Variants in SMOC1 observed in about 807,000 individuals in gnomAD.
The protein encoded by SMOC1 is SPARC related modular calcium binding 1, also known as SPARC-related modular calcium-binding protein 1.
In SMOC1, 22 loss-of-function variants were observed where a neutral mutation model predicts 56.3. The observed-to-expected ratio is 0.39, with a 90% CI of 0.28 to 0.56. The LOEUF is 0.56. Among genes scored for constraint, SMOC1 ranks in the 20% least tolerant of loss-of-function variants. The probability of loss-of-function intolerance (pLI) is 0.61; values close to 1 mark genes in which losing one functional copy is unlikely to be tolerated. For missense variants in SMOC1, 509 were observed against 565.4 expected (o/e 0.90, Z 1.01); for synonymous variants, 193 against 215.0 (o/e 0.90, Z 0.89).
chr14:69,994,427 A>G lies in SMOC1; in HGVS notation c.611A>G (p.Lys204Arg), dbSNP rs1566703259. 1 of 1,614,040 alleles carries G rather than the reference A, an allele frequency of 6.2e-7. No individual in the cohort carries two copies. Among genetic ancestry groups the G allele is most frequent in the Non-Finnish European group, 8.5e-7 (1 of 1,179,938 alleles). ...DEITAPTLWIKHLVIKDSKLN... is the reference protein window; with the variant it reads ...DEITAPTLWIRHLVIKDSKLN... Reference sequence around the variant, plus strand: ...ATCACAGCCCCAACTCTATGGATTAAACACTTGGTGATCAAGGACTCCAAA... The same window carrying G: ...ATCACAGCCCCAACTCTATGGATTAGACACTTGGTGATCAAGGACTCCAAA... Residue 204 changes from lysine to arginine, a missense_variant, in exon 7 of 12, where the codon AAA (lysine) becomes AGA (arginine). Around this residue, in one of 3 missense-constraint regions of SMOC1, gnomAD observed 315 missense variants for 333.1 expected, o/e 0.95. Transcript: ENST00000361956.
At chr14:70,005,688 C>A (rs1885127082) in intron 7 of SMOC1, among the ~76,000 whole-genome samples, 1 of 152,194 alleles carries the variant, frequency 6.6e-6, no homozygotes, top group African/African-American at 2.4e-5. Context: ...GAAACTTTAA[C>A]CACTCATTGC....
At chr14:69,960,867 G>T (rs1883345401) in intron 3 of SMOC1, among the ~76,000 whole-genome samples, 1 of 152,130 alleles carries the variant, frequency 6.6e-6, no homozygotes, top group African/African-American at 2.4e-5. Flanking sequence ...CTGTGGACCG[G>T]CCACCTGTTT....
chr14:69,923,477 A>T (rs540302482), intron 1 of SMOC1, among the ~76,000 whole-genome samples: 2 of 152,076 alleles, frequency 1.3e-5, no homozygotes, highest in South Asian at 4.2e-4. Context: ...CGTTCCCTTT[A>T]TCTCACTGGA....
At position 70,030,362 on chromosome 14, in the gene SMOC1, C is replaced by A; in HGVS notation, c.*104C>A. 1.4e-6 allele frequency: 2 copies of A among 1,428,672 alleles called. No homozygotes were observed. The highest frequency in any genetic ancestry group is 1.9e-6 in the Non-Finnish European group (2 of 1,031,898). 88.5% of individuals were successfully genotyped at this position (1,428,672 alleles called of 1,614,324 possible). A position where few individuals can be genotyped will look rare whatever the true frequency, so the allele number is the denominator to read the frequency against. On this transcript the variant is annotated 3_prime_UTR_variant, in exon 12 of 12. Coordinates refer to ENST00000361956, the MANE Select transcript of SMOC1 (RefSeq NM_001034852.3). ...CATGGCCCTGCCACATCCCGTGTAA[C>A]ATAAGTGGTGCCCACCATGTTTGCA...
intron 3 of SMOC1, among the ~76,000 whole-genome samples, chr14:69,969,639 G>A (rs914049033): frequency 1.3e-5 from 2 of 152,186 alleles, no homozygotes; most frequent in African/African-American, 4.8e-5. Context: ...TTCAACATGA[G>A]ATTTGGATGG....
In SMOC1 at chr14:69,919,747, C is replaced by A. The variant is rs1884782643; in HGVS notation, c.100-32391C>A. Among the ~76,000 whole-genome samples the A allele has an allele frequency of 1.3e-5, 2 of 152,166 alleles. 1 individual carries two copies. The highest frequency in any genetic ancestry group is 4.1e-4 in the South Asian group (2 of 4,826). On this transcript the variant is annotated intron_variant, in intron 1 of 11. Transcript: ENST00000361956. ...AATCCTGCCTCATTCACTCTCCTGG[C>A]TGTGATGAAATCAGTGGAAACCTTC...
At chr14:69,988,289 C>CTTTT (rs11367943) in intron 5 of SMOC1, among the ~76,000 whole-genome samples, 473 of 146,512 alleles carry the variant, frequency 3.2e-3, no homozygotes, top group Non-Finnish European at 4.4e-3. Flanking sequence ...TTTGAATTGG[C>CTTTT]TTTTTTTTTT....
intron 3 of SMOC1, among the ~76,000 whole-genome samples, chr14:69,966,689 A>G (rs1019116191): frequency 7.2e-5 from 11 of 152,202 alleles, no homozygotes; most frequent in Non-Finnish European, 1.5e-5. Context: ...CTCACAATGA[A>G]AAAATCCATA....
At chr14:69,880,480 C>A (rs1011649046) in intron 1 of SMOC1, among the ~76,000 whole-genome samples, 2 of 152,064 alleles carry the variant, frequency 1.3e-5, no homozygotes, top group African/African-American at 2.4e-5. Context: ...ATGAAACCTG[C>A]CAATTCTGTG....
chr14:69,951,997 C>T (rs768210757), intron 1 of SMOC1, 141 bp from the exon 2 acceptor site: 18 of 910,304 alleles, frequency 2.0e-5, no homozygotes, highest in South Asian at 8.7e-5. Flanking sequence ...GTGGCTGCTC[C>T]GTTCCCTTCA....
chr14:69,952,379 G>C, intron 2 of SMOC1, 76 bp downstream of exon 2: 1 of 1,570,730 alleles, frequency 6.4e-7, no homozygotes, highest in Non-Finnish European at 8.7e-7. Flanking sequence ...ATTTGCAACA[G>C]GGAAGCTTGG....
At chr14:69,991,059 T>C (rs1884550871) in intron 5 of SMOC1, among the ~76,000 whole-genome samples, 1 of 152,196 alleles carries the variant, frequency 6.6e-6, no homozygotes, top group Non-Finnish European at 1.5e-5. Context: ...CCAAAGGTAC[T>C]GAGAGCTCCA....
intron 1 of SMOC1, among the ~76,000 whole-genome samples, chr14:69,937,862 T>G (rs1439279825): frequency 6.6e-6 from 1 of 152,124 alleles, no homozygotes; most frequent in South Asian, 2.1e-4. Context: ...ACAGTGGAAA[T>G]AGCAATGAAA....
At chr14:69,912,458 C>T (rs1884578362) in intron 1 of SMOC1, among the ~76,000 whole-genome samples, 1 of 152,146 alleles carries the variant, frequency 6.6e-6, no homozygotes, top group African/African-American at 2.4e-5. Flanking sequence ...TGCTGTGTTG[C>T]CTGAGCCGGT....
rs1884679042 is a variant in SMOC1, at chr14:69,994,178, G to T, written c.584-222G>T. 9 of 610,366 alleles carry T rather than the reference G, an allele frequency of 1.5e-5. No homozygotes were observed. In the South Asian group the frequency reaches 1.5e-4, roughly 10 times the overall value. The allele number at this position is 610,366 out of a possible 1,614,324, so 37.8% of individuals were successfully genotyped here. A position where few individuals can be genotyped will look rare whatever the true frequency, so the allele number is the denominator to read the frequency against. On this transcript the variant is annotated intron_variant, in intron 6 of 11. Transcript: ENST00000361956. ...AGTGCCTCTGCATTCTGACCACTCT[G>T]CTTCCCAGCACAGGATGCCCTGATC...
chr14:69,983,822 G>C (rs1884268119), intron 5 of SMOC1, among the ~76,000 whole-genome samples: 1 of 152,246 alleles, frequency 6.6e-6, no homozygotes, highest in African/African-American at 2.4e-5. Context: ...TGGGCACATA[G>C]GTGGACAGGC....
rs546294988 is a variant in SMOC1, at chr14:69,923,177, C to T, written c.100-28961C>T. 2.0e-5 allele frequency among the ~76,000 whole-genome samples: 3 copies of T among 152,096 alleles called. No homozygotes were observed. The South Asian group carries it at 6.2e-4, about 32-fold the overall frequency. On this transcript the variant is annotated intron_variant, in intron 1 of 11. Coordinates refer to ENST00000361956, the MANE Select transcript of SMOC1 (RefSeq NM_001034852.3). ...AGCCAGGATGGTCTCGATCTCCTGA[C>T]CTCATGATCCACCTGCCTTGGCCTC...
rs146512958 is a variant in SMOC1 at position 69,890,453 on chromosome 14, A to G, written c.99+10676A>G. Among the ~76,000 whole-genome samples the G allele has an allele frequency of 5.4e-3, 828 of 152,316 alleles. 9 individuals carry two copies. Among genetic ancestry groups the G allele is most frequent in the African/African-American group, 0.019 (800 of 41,568 alleles). On this transcript the variant is annotated intron_variant, in intron 1 of 11. Coordinates refer to ENST00000361956, the MANE Select transcript of SMOC1 (RefSeq NM_001034852.3). ...GTGGTGGTGATCATGGGGATGTTCA[A>G]TTTCCAAGAGATGCATTTTGGTAAC... is the stretch of plus-strand genomic sequence containing the variant.
At chr14:69,923,636 C>T (rs116002252) in intron 1 of SMOC1, among the ~76,000 whole-genome samples, 80 of 152,280 alleles carry the variant, frequency 5.3e-4, no homozygotes, top group African/African-American at 1.9e-3. Context: ...AGATCCATAC[C>T]CTGGTGACTC....
Sources: gnomAD v4.1 joint callset for allele counts (sites outside exome capture counted in the v4.1 genomes callset) on GRCh38, gnomAD v4.1.1 for gene constraint, gnomAD v4.1.1 regional missense constraint, MANE v1.5 for transcripts, NCBI Gene and HGNC (gene_info 2026-07-23, HGNC 2026-07-21) for gene names.